REDIC1: variants seen among roughly 807,000 people sequenced by gnomAD.
The protein encoded by REDIC1 is HEI10 Interacting Protein 1.
the REDIC1 span, among the ~76,000 whole-genome samples, chr12:39,895,992 A>C: frequency 7.5e-6 from 1 of 132,602 alleles, no homozygotes; most frequent in Admixed American, 8.5e-5. Flanking sequence ...ATACATTCAT[A>C]TATGTGTATA....
At chr12:39,811,291 T>C in the REDIC1 span, among the ~76,000 whole-genome samples, 1 of 152,044 alleles carries the variant, frequency 6.6e-6, no homozygotes, top group Non-Finnish European at 1.5e-5. Flanking sequence ...CATCTATTGC[T>C]TTTACATTTT....
chr12:39,705,043 G>A, the REDIC1 span, among the ~76,000 whole-genome samples: 1 of 151,676 alleles, frequency 6.6e-6, no homozygotes, highest in Admixed American at 6.6e-5. Flanking sequence ...TGCACAATGT[G>A]CACATGTACC....
the REDIC1 span, among the ~76,000 whole-genome samples, chr12:39,781,809 A>G: frequency 6.6e-6 from 1 of 152,342 alleles, no homozygotes; most frequent in East Asian, 1.9e-4. Context: ...GTAGCAATGG[A>G]CAAAAGTTAG....
At chr12:39,679,664 C>T in the REDIC1 span, among the ~76,000 whole-genome samples, 2 of 151,880 alleles carry the variant, frequency 1.3e-5, no homozygotes, top group Non-Finnish European at 2.9e-5. Flanking sequence ...ATATGCACCC[C>T]AAAAACCCCA....
the REDIC1 span, among the ~76,000 whole-genome samples, chr12:39,767,207 G>A: frequency 1.3e-5 from 2 of 151,984 alleles, no homozygotes; most frequent in Non-Finnish European, 2.9e-5. Flanking sequence ...TGCTGTGTTA[G>A]CAGGTATGAA....
chr12:39,850,589 G>T, the REDIC1 span, among the ~76,000 whole-genome samples: 1 of 152,038 alleles, frequency 6.6e-6, no homozygotes, highest in Non-Finnish European at 1.5e-5. Flanking sequence ...TTGTATCTGT[G>T]CCAACATTAG....
the REDIC1 span, among the ~76,000 whole-genome samples, chr12:39,712,211 T>TACATAC: frequency 7.0e-5 from 1 of 14,254 alleles, no homozygotes; most frequent in South Asian, 1.6e-3. Context: ...TATACATATG[T>TACATAC]ATATATACAT....
chr12:39,771,442 C>A, the REDIC1 span, among the ~76,000 whole-genome samples: 3 of 152,128 alleles, frequency 2.0e-5, 1 homozygote, highest in South Asian at 6.2e-4. Flanking sequence ...CTGAGGGCAG[C>A]CTCTGTCCAA....
the REDIC1 span, among the ~76,000 whole-genome samples, chr12:39,809,280 T>A: frequency 6.6e-6 from 1 of 152,230 alleles, no homozygotes; most frequent in South Asian, 2.1e-4. Flanking sequence ...TTATGTCTAT[T>A]TTACCAACAT....
At chr12:39,890,251 T>C in the REDIC1 span, among the ~76,000 whole-genome samples, 1 of 152,214 alleles carries the variant, frequency 6.6e-6, no homozygotes, top group Non-Finnish European at 1.5e-5. Context: ...AATAGAGATA[T>C]GACTAAAGAT....
the REDIC1 span, among the ~76,000 whole-genome samples, chr12:39,897,544 G>T: frequency 6.6e-6 from 1 of 152,148 alleles, no homozygotes; most frequent in Non-Finnish European, 1.5e-5. Flanking sequence ...TCCCTGTGTG[G>T]GGATGGAAAT....
chr12:39,734,413 T>G, the REDIC1 span, among the ~76,000 whole-genome samples: 1 of 152,244 alleles, frequency 6.6e-6, no homozygotes, highest in East Asian at 1.9e-4. Context: ...GGGCAAAAGT[T>G]TTAAATTTTG....
the REDIC1 span, among the ~76,000 whole-genome samples, chr12:39,696,212 A>G: frequency 6.6e-6 from 1 of 152,136 alleles, no homozygotes; most frequent in Admixed American, 6.5e-5. Context: ...ACAAGCAGCA[A>G]GACCATCCAG....
chr12:39,762,739 G>C, the REDIC1 span, among the ~76,000 whole-genome samples: 1 of 151,962 alleles, frequency 6.6e-6, no homozygotes, highest in East Asian at 1.9e-4. Flanking sequence ...ATTAAAATGA[G>C]ACACAAAAAG....
the REDIC1 span, among the ~76,000 whole-genome samples, chr12:39,896,373 CATAT>C: frequency 2.5e-3 from 261 of 105,560 alleles, 5 homozygotes; most frequent in Admixed American, 3.8e-3. Flanking sequence ...TATATGTATA[CATAT>C]ATGTATGTAT....
the REDIC1 span, among the ~76,000 whole-genome samples, chr12:39,711,344 T>C: frequency 8.1e-5 from 12 of 147,668 alleles, no homozygotes; most frequent in African/African-American, 1.7e-4. Flanking sequence ...CATATATACA[T>C]CTATATGTAT....
At chr12:39,666,260 GAGCTTTT>G in the REDIC1 span, among the ~76,000 whole-genome samples, 1 of 152,160 alleles carries the variant, frequency 6.6e-6, no homozygotes, top group African/African-American at 2.4e-5. Context: ...AATTTATTGA[GAGCTTTT>G]AGCATGAAGG....
At chr12:39,745,439 C>T in the REDIC1 span, among the ~76,000 whole-genome samples, 1 of 152,190 alleles carries the variant, frequency 6.6e-6, no homozygotes, top group Non-Finnish European at 1.5e-5. Flanking sequence ...GTAAGTGACT[C>T]TGCTTCCTCT....
chr12:39,853,801 G>T, the REDIC1 span, among the ~76,000 whole-genome samples: 1 of 152,016 alleles, frequency 6.6e-6, no homozygotes, highest in Non-Finnish European at 1.5e-5. Context: ...CAGCAACCCA[G>T]AATTTCATTT....
Sources: gnomAD v4.1 joint callset for allele counts (sites outside exome capture counted in the v4.1 genomes callset) on GRCh38, gnomAD v4.1.1 for gene constraint, MANE v1.5 for transcripts, NCBI Gene and HGNC (gene_info 2026-07-23, HGNC 2026-07-21) for gene names.